The following KIAA0319L variants were observed in gnomAD, a reference collection of about 807,000 sequenced individuals.
The protein encoded by KIAA0319L is dyslexia-associated protein KIAA0319-like protein.
In KIAA0319L, 55 loss-of-function variants were observed where a neutral mutation model predicts 120.1. The observed-to-expected ratio is 0.46, with a 90% CI of 0.37 to 0.57. The LOEUF (loss-of-function observed/expected upper bound fraction) is 0.57, where lower values mean the gene tolerates loss of function less well. KIAA0319L is among the 20% of genes least tolerant of loss of function. The probability of loss-of-function intolerance (pLI) is 0.00; values close to 1 mark genes in which losing one functional copy is unlikely to be tolerated. For synonymous variants in KIAA0319L, 398 were observed against 471.9 expected (o/e 0.84, Z 2.03); for missense variants, 1,049 against 1,255.3 (o/e 0.84, Z 2.48).
In KIAA0319L at chr1:35,479,196, G is replaced by C; in HGVS notation, c.683C>G (p.Thr228Arg). 1 of 1,613,530 alleles carries C rather than the reference G, an allele frequency of 6.2e-7. No individual in the cohort carries two copies. Among genetic ancestry groups the C allele is most frequent in the Non-Finnish European group, 8.5e-7 (1 of 1,179,522 alleles). The change falls in exon 4 of 21, where the codon ACA becomes AGA. Residue 228 changes from threonine to arginine, a missense_variant. Transcript: ENST00000325722. ...SGSAEVHKAITISSPLTTDLT... is the reference protein window; with the variant it reads ...SGSAEVHKAIRISSPLTTDLT... ...GTCTGTGGTTAGGGGACTGGAAATT[G>C]TAATCGCCTTGTGGACCTAAAGAAA...
At chr1:35,450,263 G>A in intron 14 of KIAA0319L, 95 bp downstream of exon 14, 1 of 1,321,168 alleles carries the variant, frequency 7.6e-7, no homozygotes, top group Non-Finnish European at 1.1e-6. Context: ...ATCTGGGTTT[G>A]ATATAAGGGA....
chr1:35,485,320 G>A (rs12754202), intron 3 of KIAA0319L, among the ~76,000 whole-genome samples: 1 of 151,520 alleles, frequency 6.6e-6, no homozygotes, highest in Non-Finnish European at 1.5e-5. Flanking sequence ...TTTTATTTTA[G>A]CCTGGGTTTC....
intron 3 of KIAA0319L, among the ~76,000 whole-genome samples, chr1:35,495,228 C>T (rs1033558418): frequency 2.0e-5 from 3 of 151,872 alleles, no homozygotes; most frequent in African/African-American, 7.3e-5. Flanking sequence ...CAAAAATTAA[C>T]CAGGCGTGGT....
chr1:35,528,943 T>G (rs1227182599), intron 2 of KIAA0319L, among the ~76,000 whole-genome samples: 1 of 152,256 alleles, frequency 6.6e-6, no homozygotes, highest in African/African-American at 2.4e-5. Flanking sequence ...TGGTTTCCAT[T>G]TGCACGGAGT....
At chr1:35,444,009 A>C (rs535308877) in intron 17 of KIAA0319L, 152 bp downstream of exon 17, 1 of 613,322 alleles carries the variant, frequency 1.6e-6, no homozygotes, top group East Asian at 3.2e-5. Context: ...CCAGTGATGA[A>C]TCAGGACTCT....
chr1:35,440,649 G>A (rs1000795977), intron 20 of KIAA0319L: 1 of 184,326 alleles, frequency 5.4e-6, no homozygotes. Flanking sequence ...GCTGAAAGGT[G>A]GTCAGCTGGC....
At chr1:35,467,356 A>G (rs891964777) in intron 6 of KIAA0319L, among the ~76,000 whole-genome samples, 1 of 151,506 alleles carries the variant, frequency 6.6e-6, no homozygotes, top group Non-Finnish European at 1.5e-5. Context: ...TAAACTTAAT[A>G]TAAAAAAAAA....
chr1:35,535,096 T>TAAAAAAAAAA (rs56965473), intron 2 of KIAA0319L, among the ~76,000 whole-genome samples: 1 of 56,330 alleles, frequency 1.8e-5, no homozygotes, highest in Non-Finnish European at 4.1e-5. Flanking sequence ...GACTCCGTCT[T>TAAAAAAAAAA]AAAAAAAAAA....
In KIAA0319L at chr1:35,448,255, A is replaced by C. The variant is rs1268136144; in HGVS notation, c.2431T>G (p.Phe811Val). Residue 811 changes from phenylalanine (F) to valine (V), a missense_variant, in exon 16 of 21, where the codon TTC (phenylalanine) becomes GTC (valine). Transcript: ENST00000325722. ...SQLTERLKGM[F>V]IRQIGVLLGV... The stretch of plus-strand genomic sequence containing the variant: ...AGGAGGACCCCAATCTGGCGGATGA[A>C]CATCCCCTTCAGCCTCTCAGTTAGC... The C allele has an allele frequency of 6.2e-7, 1 of 1,614,076 alleles. No homozygotes were observed. Among genetic ancestry groups the C allele is most frequent in the Admixed American group, 1.7e-5 (1 of 60,004 alleles).
chr1:35,539,990 C>T (rs968311236), intron 2 of KIAA0319L, among the ~76,000 whole-genome samples: 2 of 152,192 alleles, frequency 1.3e-5, no homozygotes, highest in Non-Finnish European at 2.9e-5. Flanking sequence ...AATTCATAAG[C>T]ATACATTTAT....
Position 35,452,825 on chromosome 1 carries a change from TCAAACAAA to T in KIAA0319L, c.1913+724_1913+731del, listed in dbSNP as rs34021272. 1.0e-3 allele frequency among the ~76,000 whole-genome samples: 153 copies of T among 151,446 alleles called. 1 individual carries two copies. The South Asian group carries it at 0.019, about 18-fold the overall frequency. ...TTTCCACCCATCTCCAATGCCTTTG[TCAAACAAA>T]CAAACAAACAAACAAACAAACAAAC... On this transcript the variant is annotated intron_variant, in intron 12 of 20. Transcript: ENST00000325722.
intron 9 of KIAA0319L, 138 bp downstream of exon 9, chr1:35,460,167 C>T (rs190188769): frequency 1.4e-5 from 10 of 706,220 alleles, no homozygotes; most frequent in Non-Finnish European, 2.4e-5. Context: ...CTCAGAGAAC[C>T]AATGGAACCA....
In KIAA0319L at chr1:35,462,661, C is replaced by T; in HGVS notation, c.1254G>A (p.Glu418=). 1 of 1,614,134 alleles carries T rather than the reference C, an allele frequency of 6.2e-7. No individual in the cohort carries two copies. Among genetic ancestry groups the T allele is most frequent in the South Asian group, 1.1e-5 (1 of 91,092 alleles). The change falls in exon 8 of 21, where the codon GAG becomes GAA. Residue 418 remains glutamate (E), a synonymous_variant. Coordinates refer to ENST00000325722, the MANE Select transcript of KIAA0319L (RefSeq NM_024874.5). ...CTGTAGAAGTGGTTGGCAAAGAGAT[C>T]TCCTGGAACTGAGGTGACACAATAG... ...PIAIVSPQFQ[E]ISLPTTSTVI... is the part of the protein sequence containing the mutation.
At position 35,437,562 on chromosome 1, in the gene KIAA0319L, C is replaced by T. The variant is rs1016510484; in HGVS notation, c.2963-2481G>A. On this transcript the variant is annotated intron_variant, in intron 20 of 20. Coordinates refer to ENST00000325722, the MANE Select transcript of KIAA0319L (RefSeq NM_024874.5). This position sits in a 1 kb window ranked among gnomAD's most constrained non-coding sequence, Gnocchi z 4.1. ...GCTTTCTAAATCACCTGCGCTTTCA[C>T]TTCCACTGTCACTCCCCACTCTACT... 2.6e-5 allele frequency among the ~76,000 whole-genome samples: 4 copies of T among 152,234 alleles called. No individual in the cohort carries two copies. The highest frequency in any genetic ancestry group is 9.6e-5 in the African/African-American group (4 of 41,470).
chr1:35,553,503 C>T (rs1647467545), intron 2 of KIAA0319L, among the ~76,000 whole-genome samples: 1 of 152,186 alleles, frequency 6.6e-6, no homozygotes, highest in Non-Finnish European at 1.5e-5. Context: ...ACTAGGGTCT[C>T]AAAATCATGA....
chr1:35,513,840 A>C (rs1326508636), intron 2 of KIAA0319L, among the ~76,000 whole-genome samples: 1 of 152,164 alleles, frequency 6.6e-6, no homozygotes, highest in Non-Finnish European at 1.5e-5. Flanking sequence ...TGTGAGAGTG[A>C]TGTCTTTAAC....
intron 20 of KIAA0319L, among the ~76,000 whole-genome samples, chr1:35,436,194 C>T (rs1220388579): frequency 1.3e-5 from 2 of 152,204 alleles, no homozygotes; most frequent in Non-Finnish European, 2.9e-5. Context: ...CCTGGCCACA[C>T]CTGACTTAAG....
chr1:35,463,503 C>A (rs912560655), intron 7 of KIAA0319L, among the ~76,000 whole-genome samples: 3 of 152,148 alleles, frequency 2.0e-5, no homozygotes, highest in Non-Finnish European at 4.4e-5. Context: ...TGTATGTGAA[C>A]TAACTATGGG....
chr1:35,446,394 A>T (rs1269667639), intron 16 of KIAA0319L, among the ~76,000 whole-genome samples: 15 of 152,246 alleles, frequency 9.9e-5, no homozygotes, highest in Non-Finnish European at 1.6e-4. Flanking sequence ...AAAAATTTTT[A>T]AAGATATTCT....
Sources: gnomAD v4.1 joint callset for allele counts (sites outside exome capture counted in the v4.1 genomes callset) on GRCh38, gnomAD v4.1.1 for gene constraint, Gnocchi (gnomAD v3.1) non-coding constraint, MANE v1.5 for transcripts, NCBI Gene and HGNC (gene_info 2026-07-23, HGNC 2026-07-21) for gene names.